The following MEGF6 variants were observed in gnomAD, a reference collection of about 807,000 sequenced individuals.
The protein encoded by MEGF6 is multiple EGF like domains 6.
In MEGF6, 184 loss-of-function variants were observed where a neutral mutation model predicts 207.1. The observed-to-expected ratio is 0.89, with a 90% CI of 0.79 to 1.00. The LOEUF is 1.00. Ranked by LOEUF, MEGF6 falls within the 50% of genes least tolerant of loss-of-function variation. MEGF6 has a pLI of 0.00. For missense variants in MEGF6, 2,282 were observed against 2,202.9 expected (o/e 1.04, Z -0.72); for synonymous variants, 1,038 against 910.0 (o/e 1.14, Z -2.53).
intron 35 of MEGF6, 35 bp from the exon 36 acceptor site, chr1:3,490,994 C>G: frequency 6.4e-7 from 1 of 1,552,804 alleles, no homozygotes; most frequent in Non-Finnish European, 8.7e-7. Context: ...TGTTAGTACC[C>G]CCAGCCTTGA....
chr1:3,519,675 C>T (rs1641671957), intron 5 of MEGF6, among the ~76,000 whole-genome samples: 1 of 152,252 alleles, frequency 6.6e-6, no homozygotes, highest in African/African-American at 2.4e-5. Flanking sequence ...GGCTCCAGCA[C>T]ACCAGGCGGC....
intron 7 of MEGF6, among the ~76,000 whole-genome samples, chr1:3,512,803 G>C (rs963238783): frequency 6.6e-6 from 1 of 152,144 alleles, no homozygotes; most frequent in Non-Finnish European, 1.5e-5. Context: ...TATCGGCAGC[G>C]TGAAAATGGA....
chr1:3,564,797 C>T (rs565842949), intron 4 of MEGF6, among the ~76,000 whole-genome samples: 88 of 152,252 alleles, frequency 5.8e-4, no homozygotes, highest in African/African-American at 2.1e-3. Flanking sequence ...GGGACGGGCC[C>T]CCTTCACCCC....
chr1:3,567,189 G>T (rs1208829260), intron 4 of MEGF6, among the ~76,000 whole-genome samples: 1 of 152,166 alleles, frequency 6.6e-6, no homozygotes, highest in Non-Finnish European at 1.5e-5. Context: ...GCAGGAGCCG[G>T]GCCACACGGC....
chr1:3,503,344 C>G (rs1640976426), intron 17 of MEGF6, among the ~76,000 whole-genome samples: 1 of 152,070 alleles, frequency 6.6e-6, no homozygotes, highest in Non-Finnish European at 1.5e-5. Context: ...GAACAGTTTC[C>G]AGACCCAACA....
intron 18 of MEGF6, among the ~76,000 whole-genome samples, 169 bp from the exon 19 acceptor site, chr1:3,501,477 G>A (rs1186135402): frequency 2.0e-5 from 3 of 152,070 alleles, no homozygotes; most frequent in African/African-American, 7.2e-5. Flanking sequence ...GGGGCTGCAG[G>A]CTGCGGGGTG....
the MEGF6 span, among the ~76,000 whole-genome samples, chr1:3,620,353 A>G: frequency 1.3e-5 from 2 of 152,248 alleles, no homozygotes; most frequent in African/African-American, 4.8e-5. Flanking sequence ...CATTTCAGAG[A>G]GCTTCACGGC....
chr1:3,513,957 C>A (rs1236601353), intron 7 of MEGF6, among the ~76,000 whole-genome samples: 3 of 150,422 alleles, frequency 2.0e-5, no homozygotes, highest in Non-Finnish European at 4.4e-5. Context: ...TTAGGAAATA[C>A]AATAGTTTAG....
At chr1:3,616,922 G>C in the MEGF6 span, among the ~76,000 whole-genome samples, 1 of 152,246 alleles carries the variant, frequency 6.6e-6, no homozygotes, top group Admixed American at 6.5e-5. Context: ...GGAGACAGCA[G>C]AGGGGCAACC....
intron 18 of MEGF6, 66 bp from the exon 19 acceptor site, chr1:3,501,374 G>A (rs1368039243): frequency 2.6e-6 from 4 of 1,522,612 alleles, no homozygotes; most frequent in African/African-American, 2.8e-5. Flanking sequence ...AACATAACAT[G>A]GCACGATGCC....
chr1:3,590,998 G>T (rs905635143), intron 3 of MEGF6, among the ~76,000 whole-genome samples: 2 of 151,082 alleles, frequency 1.3e-5, no homozygotes, highest in East Asian at 4.1e-4. Context: ...GTGCCCACAG[G>T]CACACTGGCT....
chr1:3,544,391 A>C (rs1642636804), intron 4 of MEGF6, among the ~76,000 whole-genome samples: 1 of 151,800 alleles, frequency 6.6e-6, no homozygotes, highest in South Asian at 2.1e-4. Context: ...ACCCTGTAAC[A>C]GGTGCTCTCA....
chr1:3,509,701 G>A (rs1332276256), intron 11 of MEGF6, among the ~76,000 whole-genome samples, 169 bp downstream of exon 11: 1 of 152,204 alleles, frequency 6.6e-6, no homozygotes, highest in African/African-American at 2.4e-5. Flanking sequence ...GACCTCAGTG[G>A]GTCCCCAAGG....
Position 3,501,783 on chromosome 1 carries a change from G to T in MEGF6, c.2314+13C>A. On this transcript the variant is annotated intron_variant, in intron 18 of 36. Coordinates refer to ENST00000356575, the MANE Select transcript of MEGF6 (RefSeq NM_001409.4). ...CCTGGGGAGGCGGAACTGGGGCTGC[G>T]GCTGACACTCACCTGCCTCACAGTC... 1 of 1,609,716 alleles carries T rather than the reference G, an allele frequency of 6.2e-7. No individual in the cohort carries two copies.
chr1:3,578,044 G>A (rs1018210006), intron 4 of MEGF6, among the ~76,000 whole-genome samples: 1 of 152,236 alleles, frequency 6.6e-6, no homozygotes, highest in Non-Finnish European at 1.5e-5. Context: ...GGTGGGAGGA[G>A]GGGACTGACG....
intron 9 of MEGF6, among the ~76,000 whole-genome samples, 181 bp downstream of exon 9, chr1:3,511,369 C>T (rs972264681): frequency 2.0e-5 from 3 of 152,202 alleles, no homozygotes; most frequent in African/African-American, 7.2e-5. Flanking sequence ...AGGTCTTTCC[C>T]GGCCAGGATG....
chr1:3,619,294 T>C, the MEGF6 span, among the ~76,000 whole-genome samples: 1 of 152,142 alleles, frequency 6.6e-6, no homozygotes, highest in Non-Finnish European at 1.5e-5. Flanking sequence ...TCACGAACCA[T>C]CTTCCCTGCC....
At chr1:3,589,660 GGGCAGGTGCA>G (rs1274828601) in intron 3 of MEGF6, among the ~76,000 whole-genome samples, 1 of 152,228 alleles carries the variant, frequency 6.6e-6, no homozygotes, top group Non-Finnish European at 1.5e-5. Flanking sequence ...CAGGAGGTCA[GGGCAGGTGCA>G]GGTTTCTGCT....
At chr1:3,505,033 C>T (rs1052830176) in intron 17 of MEGF6, among the ~76,000 whole-genome samples, 175 bp downstream of exon 17, 1 of 152,106 alleles carries the variant, frequency 6.6e-6, no homozygotes, top group Non-Finnish European at 1.5e-5. Context: ...ATGTGACAGG[C>T]CGTCAAGGCA....
Sources: allele counts gnomAD v4.1 joint callset (sites outside exome capture counted in the v4.1 genomes callset), GRCh38; gene constraint gnomAD v4.1.1; transcripts MANE v1.5; gene names NCBI Gene and HGNC (gene_info 2026-07-23, HGNC 2026-07-21).